MTUS2: variants seen among roughly 807,000 people sequenced by gnomAD.
MTUS2 encodes microtubule associated scaffold protein 2.
A neutral mutation model predicts 114.1 loss-of-function variants in MTUS2; 40 were observed. The ratio of observed to expected loss-of-function variants is 0.35; its 90% CI spans 0.27 to 0.46. The LOEUF is 0.46. Ranked by LOEUF, MTUS2 falls within the 20% of genes least tolerant of loss-of-function variation. MTUS2 has a pLI of 1.00. For missense variants in MTUS2, 1,679 were observed against 1,705.4 expected (o/e 0.98, Z 0.27); for synonymous variants, 688 against 672.0 (o/e 1.02, Z -0.37).
chr13:29,453,175 G>A (rs1003898580), intron 9 of MTUS2, among the ~76,000 whole-genome samples: 5 of 152,156 alleles, frequency 3.3e-5, no homozygotes, highest in Non-Finnish European at 1.5e-5. Flanking sequence ...ATAATAAATA[G>A]CAAGAAAAAG....
chr13:28,967,014 A>G (rs1003624469), intron 2 of MTUS2, among the ~76,000 whole-genome samples: 2 of 152,206 alleles, frequency 1.3e-5, no homozygotes, highest in African/African-American at 4.8e-5. Flanking sequence ...ATCTGGCAGT[A>G]ATAGTACTGC....
At chr13:29,307,022 C>G in intron 6 of MTUS2, 1 of 527,436 alleles carries the variant, frequency 1.9e-6, no homozygotes, top group Non-Finnish European at 3.7e-6. Context: ...GAGCGAGATC[C>G]CTCCAAAATC....
intron 8 of MTUS2, among the ~76,000 whole-genome samples, chr13:29,435,121 A>G (rs570725230): frequency 1.3e-5 from 2 of 152,338 alleles, no homozygotes; most frequent in East Asian, 3.9e-4. Context: ...TGAACAAATG[A>G]AAGAGGTAGC....
intron 2 of MTUS2, among the ~76,000 whole-genome samples, chr13:29,001,060 A>C (rs1489538883): frequency 3.3e-5 from 5 of 152,178 alleles, no homozygotes; most frequent in African/African-American, 9.7e-5. Flanking sequence ...GCACATGCTT[A>C]TCTCTCATTC....
intron 4 of MTUS2, among the ~76,000 whole-genome samples, chr13:29,098,504 C>T (rs1481773334): frequency 6.6e-6 from 1 of 151,720 alleles, no homozygotes; most frequent in Admixed American, 6.6e-5. Flanking sequence ...ACACACAGCC[C>T]ATGTGTGTCT....
At chr13:29,430,829 A>G (rs1167258959) in intron 8 of MTUS2, among the ~76,000 whole-genome samples, 2 of 152,212 alleles carry the variant, frequency 1.3e-5, no homozygotes, top group Non-Finnish European at 2.9e-5. Context: ...TTCAAACTCT[A>G]GAAATCAGAA....
chr13:29,261,659 T>C (rs554608235), intron 5 of MTUS2, among the ~76,000 whole-genome samples: 147 of 152,344 alleles, frequency 9.6e-4, no homozygotes, highest in African/African-American at 3.4e-3. Context: ...TTTTATACCA[T>C]ATTAATAACT....
rs532169061 is a variant in MTUS2 at position 28,914,507 on chromosome 13, C to G, written c.-243+74657C>G. On this transcript the variant is annotated intron_variant, in intron 2 of 15. Transcript: ENST00000612955. ...CCATTTTCTGAGGAGTGTTTTACTT[C>G]TGATTGTGTGATCAATTTTAGAGCA... 2.5e-4 allele frequency among the ~76,000 whole-genome samples: 38 copies of G among 152,122 alleles called. No homozygotes were observed. The East Asian group carries it at 4.4e-3, about 18-fold the overall frequency.
chr13:29,377,866 T>C (rs1335285335), intron 8 of MTUS2, among the ~76,000 whole-genome samples: 4 of 152,156 alleles, frequency 2.6e-5, no homozygotes, highest in Non-Finnish European at 1.5e-5. Context: ...GATAAACCTA[T>C]AGTAAGACTG....
chr13:28,948,599 A>G (rs1227773821), intron 2 of MTUS2, among the ~76,000 whole-genome samples: 1 of 152,166 alleles, frequency 6.6e-6, no homozygotes, highest in African/African-American at 2.4e-5. Context: ...AATATAGGTT[A>G]TTTCTACCCT....
intron 4 of MTUS2, among the ~76,000 whole-genome samples, chr13:29,035,304 A>T (rs558532030): frequency 6.6e-6 from 1 of 152,200 alleles, no homozygotes; most frequent in African/African-American, 2.4e-5. Context: ...TATCACTCCT[A>T]CAGGGCATGG....
chr13:29,003,366 G>A (rs1394784968), intron 2 of MTUS2, among the ~76,000 whole-genome samples: 5 of 152,164 alleles, frequency 3.3e-5, no homozygotes, highest in Non-Finnish European at 5.9e-5. Context: ...CAAGTCCAGG[G>A]AGTCCATGCC....
intron 5 of MTUS2, among the ~76,000 whole-genome samples, chr13:29,186,914 G>A (rs752386723): frequency 2.0e-4 from 31 of 152,094 alleles, no homozygotes; most frequent in Non-Finnish European, 4.0e-4. Context: ...TGCAAAGTAT[G>A]TTAGTCAATG....
chr13:28,870,191 A>G (rs1329399272), intron 2 of MTUS2, among the ~76,000 whole-genome samples: 2 of 152,182 alleles, frequency 1.3e-5, no homozygotes, highest in East Asian at 1.9e-4. Context: ...TCAGACTCTG[A>G]TTTCCTCATA....
intron 14 of MTUS2, among the ~76,000 whole-genome samples, chr13:29,500,476 C>T (rs916060912): frequency 6.6e-6 from 1 of 152,126 alleles, no homozygotes; most frequent in Non-Finnish European, 1.5e-5. Flanking sequence ...CATCAATTGC[C>T]GGGGAGTAAC....
At chr13:29,265,624 T>C (rs1853379344) in intron 5 of MTUS2, among the ~76,000 whole-genome samples, 1 of 152,208 alleles carries the variant, frequency 6.6e-6, no homozygotes, top group African/African-American at 2.4e-5. Context: ...ACAGGAAGCA[T>C]GGCACCGATA....
chr13:28,940,174 T>A (rs1882147890), intron 2 of MTUS2, among the ~76,000 whole-genome samples: 1 of 152,188 alleles, frequency 6.6e-6, no homozygotes, highest in Non-Finnish European at 1.5e-5. Context: ...GCAGTCATGT[T>A]CACAGCAGTG....
intron 9 of MTUS2, among the ~76,000 whole-genome samples, chr13:29,441,034 C>T (rs935308213): frequency 6.6e-6 from 1 of 152,178 alleles, no homozygotes; most frequent in Non-Finnish European, 1.5e-5. Flanking sequence ...CTTCTTTTAA[C>T]ATTAAAGTAG....
At chr13:29,016,424 A>C (rs1056698554) in intron 2 of MTUS2, among the ~76,000 whole-genome samples, 1 of 152,060 alleles carries the variant, frequency 6.6e-6, no homozygotes, top group Non-Finnish European at 1.5e-5. Flanking sequence ...CTTTTGGAGA[A>C]ATATGCAGCA....
Sources: allele counts gnomAD v4.1 joint callset (sites outside exome capture counted in the v4.1 genomes callset), GRCh38; gene constraint gnomAD v4.1.1; transcripts MANE v1.5; gene names NCBI Gene and HGNC (gene_info 2026-07-23, HGNC 2026-07-21).